ITIH5: variants seen among roughly 807,000 people sequenced by gnomAD.
ITIH5 encodes the protein inter-alpha-trypsin inhibitor heavy chain H5.
A neutral mutation model predicts 77.5 loss-of-function variants in ITIH5; 65 were observed. The ratio of observed to expected loss-of-function variants is 0.84; its 90% CI spans 0.69 to 1.03. The LOEUF (loss-of-function observed/expected upper bound fraction) is 1.03. Ranked by LOEUF, ITIH5 falls within the 50% of genes least tolerant of loss-of-function variation. The probability of loss-of-function intolerance (pLI) is 0.00; values close to 1 mark genes in which losing one functional copy is unlikely to be tolerated. For synonymous variants in ITIH5, 525 were observed against 494.3 expected, an observed-to-expected ratio of 1.06 and a Z score of -0.82; for missense variants, 1,208 against 1,213.1, an observed-to-expected ratio of 1.00 and a Z score of 0.06.
At chr10:7,610,476 TAA>T (rs1488550590) in intron 7 of ITIH5, among the ~76,000 whole-genome samples, 1 of 152,158 alleles carries the variant, frequency 6.6e-6, no homozygotes, top group African/African-American at 2.4e-5. Flanking sequence ...TACATTGCAA[TAA>T]ATGCAGCAAG....
chr10:7,633,103 C>G (rs1833738442), intron 5 of ITIH5, among the ~76,000 whole-genome samples: 1 of 152,154 alleles, frequency 6.6e-6, no homozygotes, highest in African/African-American at 2.4e-5. Context: ...GCGTTCATTT[C>G]AAATACTCTG....
chr10:7,592,577 A>T (rs1832813967), intron 7 of ITIH5, among the ~76,000 whole-genome samples: 1 of 152,168 alleles, frequency 6.6e-6, no homozygotes, highest in Admixed American at 6.5e-5. Flanking sequence ...TTCAAGGGAC[A>T]TGAGACACAG....
At chr10:7,622,839 T>G (rs1179931343) in intron 5 of ITIH5, among the ~76,000 whole-genome samples, 2 of 152,216 alleles carry the variant, frequency 1.3e-5, no homozygotes, top group Admixed American at 6.5e-5. Context: ...AAGGATGCAT[T>G]GATTTTGCCA....
chr10:7,586,838 A>T (rs534828970), intron 7 of ITIH5, among the ~76,000 whole-genome samples: 8 of 150,496 alleles, frequency 5.3e-5, no homozygotes, highest in South Asian at 4.2e-4. Flanking sequence ...CATTCTTCTT[A>T]TTTTTTTTTT....
Position 7,658,216 on chromosome 10 carries a change from C to G in ITIH5, c.91-2541G>C, listed in dbSNP as rs186500499. 1.1e-3 allele frequency among the ~76,000 whole-genome samples: 161 copies of G among 152,274 alleles called. 1 individual carries two copies. The East Asian group carries it at 0.022, about 21-fold the overall frequency. ...TTCTTTAAACTTTTCTGTATGACCT[C>G]AAGTCTTAACAAAATGCAGATATTT... On this transcript the variant is annotated intron_variant, in intron 1 of 13. Transcript: ENST00000397146.
intron 7 of ITIH5, among the ~76,000 whole-genome samples, chr10:7,598,170 C>T (rs1029586760): frequency 2.0e-5 from 3 of 152,184 alleles, no homozygotes; most frequent in Non-Finnish European, 1.5e-5. Context: ...TTTTGTTGCC[C>T]CTCTGCTACA....
chr10:7,644,418 TA>T (rs1833942627), intron 2 of ITIH5, among the ~76,000 whole-genome samples: 1 of 145,714 alleles, frequency 6.9e-6, no homozygotes, highest in Non-Finnish European at 1.5e-5. Context: ...ATATATCATA[TA>T]TATCACATAT....
intron 7 of ITIH5, among the ~76,000 whole-genome samples, chr10:7,590,183 G>A (rs1296490692): frequency 4.6e-5 from 7 of 151,920 alleles, no homozygotes; most frequent in African/African-American, 1.2e-4. Flanking sequence ...CCCTCTCCTC[G>A]CTGCTCTCTG....
chr10:7,644,781 CA>C (rs1303325606), intron 2 of ITIH5, among the ~76,000 whole-genome samples: 2 of 127,760 alleles, frequency 1.6e-5, no homozygotes, highest in African/African-American at 6.7e-5. Flanking sequence ...ATATATATCA[CA>C]TATATATCAT....
rs758813971 is a variant in ITIH5, at chr10:7,642,065, A to C, written c.161T>G (p.Phe54Cys). 3 of 1,614,004 alleles carry C rather than the reference A, an allele frequency of 1.9e-6. No individual in the cohort carries two copies. The highest frequency in any genetic ancestry group is 2.5e-6 in the Non-Finnish European group (3 of 1,179,914). The part of the protein sequence containing the change: ...RLKTKPLMTE[F>C]SVKSTIISRY... ...GGAAATGATGGTAGACTTCACTGAG[A>C]ATTCTGTCATCAAAGGTTTGGTTTT... Residue 54 changes from phenylalanine (F) to cysteine (C), a missense_variant, in exon 3 of 14, where the codon TTC becomes TGC. By Grantham distance (205) the Phe-to-Cys change is radical. Transcript: ENST00000397146.
intron 5 of ITIH5, among the ~76,000 whole-genome samples, chr10:7,635,774 G>C (rs908367206): frequency 6.6e-6 from 1 of 152,012 alleles, no homozygotes; most frequent in African/African-American, 2.4e-5. Flanking sequence ...GGTTATTTTT[G>C]CATTATGTTA....
intron 9 of ITIH5, 81 bp from the exon 10 acceptor site, chr10:7,577,093 A>G: frequency 8.3e-7 from 1 of 1,210,140 alleles, no homozygotes; most frequent in Middle Eastern, 2.1e-4. Flanking sequence ...GAAACTGCAG[A>G]CTCTCAGGGG....
intron 7 of ITIH5, among the ~76,000 whole-genome samples, chr10:7,606,061 C>A (rs1191631188): frequency 6.6e-6 from 1 of 152,148 alleles, no homozygotes; most frequent in Non-Finnish European, 1.5e-5. Context: ...TGCCCACATT[C>A]AGAGATACTA....
At chr10:7,609,961 AT>A (rs779768992) in intron 7 of ITIH5, among the ~76,000 whole-genome samples, 3 of 152,068 alleles carry the variant, frequency 2.0e-5, no homozygotes, top group Non-Finnish European at 4.4e-5. Flanking sequence ...CAAGGACTAC[AT>A]GTCTGTCTGC....
chr10:7,566,844 GGAAGAAGAAGAAGAAGAAGAAGAA>G (rs576015885), intron 12 of ITIH5, among the ~76,000 whole-genome samples: 241 of 17,780 alleles, frequency 0.014, 7 homozygotes, highest in South Asian at 0.033. Flanking sequence ...AAGAGGAAGA[GGAAGAAGAAGAAGAAGAAGAAGAA>G]GAAGAAGAAG....
intron 5 of ITIH5, among the ~76,000 whole-genome samples, chr10:7,630,571 G>A (rs961573422): frequency 6.6e-5 from 10 of 152,162 alleles, no homozygotes; most frequent in African/African-American, 2.4e-4. Flanking sequence ...ATGACTAATT[G>A]TGTTGAGCAC....
chr10:7,640,444 T>G (rs1467174901), intron 4 of ITIH5, among the ~76,000 whole-genome samples: 2 of 143,466 alleles, frequency 1.4e-5, no homozygotes, highest in African/African-American at 5.2e-5. Flanking sequence ...ACCACTGCAC[T>G]CCAGCCTGGG....
At chr10:7,638,268 C>T (rs1833832494) in intron 4 of ITIH5, among the ~76,000 whole-genome samples, 1 of 152,182 alleles carries the variant, frequency 6.6e-6, no homozygotes, top group African/African-American at 2.4e-5. Context: ...CAGGATAATT[C>T]CAAGTCCAAT....
intron 7 of ITIH5, among the ~76,000 whole-genome samples, chr10:7,614,951 T>C (rs573987293): frequency 1.3e-5 from 2 of 152,154 alleles, no homozygotes; most frequent in East Asian, 1.9e-4. Flanking sequence ...GTGAATTGTA[T>C]AAAAAAATGA....
Sources: allele counts gnomAD v4.1 joint callset (sites outside exome capture counted in the v4.1 genomes callset), GRCh38; gene constraint gnomAD v4.1.1; transcripts MANE v1.5; gene names NCBI Gene and HGNC (gene_info 2026-07-23, HGNC 2026-07-21).